HS6ST2: variants seen among roughly 807,000 people sequenced by gnomAD.
HS6ST2 encodes the protein heparan sulfate 6-O-sulfotransferase 2, also known as heparan-sulfate 6-O-sulfotransferase 2.
In HS6ST2, 17 loss-of-function variants were observed where a neutral mutation model predicts 33.0. The observed-to-expected ratio is 0.52, with a 90% CI of 0.35 to 0.77. The LOEUF (loss-of-function observed/expected upper bound fraction) is 0.77, where lower values mean the gene tolerates loss of function less well. HS6ST2 is among the 30% of genes least tolerant of loss of function. HS6ST2 has a pLI of 0.01. For missense variants in HS6ST2, 519 were observed against 551.7 expected, an observed-to-expected ratio of 0.94 and a Z score of 0.59; for synonymous variants, 248 against 237.1, an observed-to-expected ratio of 1.05 and a Z score of -0.42.
chrX:132,890,503 T>C (rs1343422231), intron 2 of HS6ST2, among the ~76,000 whole-genome samples: 2 of 108,903 alleles, frequency 1.8e-5, no homozygotes, highest in African/African-American at 6.7e-5. Context: ...GGTAGGCTTC[T>C]ATGGCTATTA....
intron 2 of HS6ST2, among the ~76,000 whole-genome samples, chrX:132,909,457 G>A (rs2066511089): frequency 8.9e-6 from 1 of 112,117 alleles, no homozygotes; most frequent in Admixed American, 9.4e-5. Context: ...CTATATAGTA[G>A]GACTAAATGC....
At chrX:132,681,609 A>G (rs947059151) in intron 3 of HS6ST2, among the ~76,000 whole-genome samples, 1 of 111,175 alleles carries the variant, frequency 9.0e-6, no homozygotes, top group Non-Finnish European at 1.9e-5. Flanking sequence ...ACATGGGGAG[A>G]CCCCTGTCTC....
chrX:132,931,827 G>A (rs2066770438), intron 2 of HS6ST2, among the ~76,000 whole-genome samples: 1 of 111,655 alleles, frequency 9.0e-6, no homozygotes, highest in African/African-American at 3.2e-5. Flanking sequence ...TAGATAACCA[G>A]AAAAAGAACC....
chrX:132,662,516 C>A (rs2063781509), intron 4 of HS6ST2, among the ~76,000 whole-genome samples: 1 of 112,001 alleles, frequency 8.9e-6, no homozygotes, highest in African/African-American at 3.2e-5. Flanking sequence ...TTCTAGAGAG[C>A]AGCAGCACAT....
intron 2 of HS6ST2, among the ~76,000 whole-genome samples, chrX:132,895,423 T>C (rs1370073658): frequency 9.0e-6 from 1 of 111,525 alleles, no homozygotes; most frequent in Non-Finnish European, 1.9e-5. Flanking sequence ...TGTATACTTC[T>C]CTTCTATAAG....
At chrX:132,956,522 G>A (rs2067073449) in intron 2 of HS6ST2, among the ~76,000 whole-genome samples, 1 of 112,150 alleles carries the variant, frequency 8.9e-6, no homozygotes, top group African/African-American at 3.2e-5. Context: ...CCGTCCCAGC[G>A]GCCCCGTTCC....
At chrX:132,669,256 A>G in intron 3 of HS6ST2, 57 bp from the exon 4 acceptor site, 1 of 1,038,888 alleles carries the variant, frequency 9.6e-7, no homozygotes. Flanking sequence ...AGAGACAAAA[A>G]GCAATTAGTC....
At chrX:132,781,645 G>A (rs773657610) in intron 2 of HS6ST2, among the ~76,000 whole-genome samples, 1 of 111,508 alleles carries the variant, frequency 9.0e-6, no homozygotes, top group East Asian at 2.8e-4. Flanking sequence ...CCACATGGCT[G>A]GGGAGGCCTC....
At chrX:132,920,896 C>T (rs752218140) in intron 2 of HS6ST2, among the ~76,000 whole-genome samples, 1 of 112,248 alleles carries the variant, frequency 8.9e-6, no homozygotes, top group African/African-American at 3.2e-5. Flanking sequence ...CTGCTCCCAC[C>T]CAATATAAAG....
intron 2 of HS6ST2, among the ~76,000 whole-genome samples, chrX:132,900,993 T>C (rs1016624253): frequency 1.8e-5 from 2 of 112,610 alleles, no homozygotes; most frequent in African/African-American, 3.2e-5. Context: ...ATGTGGCAAA[T>C]TGCCCTATGC....
At chrX:132,918,403 T>A (rs190079511) in intron 2 of HS6ST2, among the ~76,000 whole-genome samples, 1 of 112,382 alleles carries the variant, frequency 8.9e-6, no homozygotes, top group African/African-American at 3.2e-5. Flanking sequence ...CAAGCCATAA[T>A]GATGGCATAG....
chrX:132,929,741 G>A (rs755730261), intron 2 of HS6ST2, among the ~76,000 whole-genome samples: 1 of 111,488 alleles, frequency 9.0e-6, no homozygotes, highest in Non-Finnish European at 1.9e-5. Flanking sequence ...ACTAAAAGGA[G>A]AAATAGACAA....
intron 2 of HS6ST2, among the ~76,000 whole-genome samples, chrX:132,871,969 AGTGTAAAAAT>A (rs1315504705): frequency 2.7e-5 from 3 of 111,745 alleles, no homozygotes; most frequent in African/African-American, 9.8e-5. Flanking sequence ...TATTGTCAGC[AGTGTAAAAAT>A]GCTCTTCTTT....
At chrX:132,761,098 G>T (rs996109634) in intron 2 of HS6ST2, among the ~76,000 whole-genome samples, 1 of 111,491 alleles carries the variant, frequency 9.0e-6, no homozygotes, top group African/African-American at 3.3e-5. Context: ...GGTGGAAAAA[G>T]ACTTTTGCCT....
intron 2 of HS6ST2, among the ~76,000 whole-genome samples, chrX:132,864,968 G>T (rs1019928411): frequency 1.8e-5 from 2 of 111,397 alleles, no homozygotes; most frequent in African/African-American, 6.5e-5. Context: ...CATTCTTAAA[G>T]AAAACAATTT....
chrX:132,827,823 T>A (rs1027431395), intron 2 of HS6ST2, among the ~76,000 whole-genome samples: 1 of 110,768 alleles, frequency 9.0e-6, no homozygotes, highest in African/African-American at 3.3e-5. Flanking sequence ...ACCTTGATGT[T>A]GCCCCTCGAT....
At chrX:132,960,895 A>G (rs2067137219), upstream of HS6ST2, among the ~76,000 whole-genome samples, 1 of 111,368 alleles carries the variant, frequency 9.0e-6, no homozygotes, top group Non-Finnish European at 1.9e-5. Context: ...AAACCTCAGA[A>G]GATCCCTCCA....
At chrX:132,956,265 A>C (rs1318023160) in intron 2 of HS6ST2, among the ~76,000 whole-genome samples, 1 of 109,825 alleles carries the variant, frequency 9.1e-6, no homozygotes, top group Non-Finnish European at 1.9e-5. Context: ...GGAAAGAAGG[A>C]AACAGCGAGC....
chrX:132,704,874 C>G (rs1420133993), intron 3 of HS6ST2, among the ~76,000 whole-genome samples: 4 of 111,988 alleles, frequency 3.6e-5, no homozygotes, highest in African/African-American at 6.5e-5. Context: ...ACTTCTGAAG[C>G]TAGATTCCTC....
Sources: gnomAD v4.1 joint callset for allele counts (sites outside exome capture counted in the v4.1 genomes callset) on GRCh38, gnomAD v4.1.1 for gene constraint, MANE v1.5 for transcripts, NCBI Gene and HGNC (gene_info 2026-07-23, HGNC 2026-07-21) for gene names.